MACROD2: variants seen among roughly 807,000 people sequenced by gnomAD.
MACROD2 encodes the protein ADP-ribose glycohydrolase MACROD2.
Under a neutral mutation model 70.4 loss-of-function variants are expected in MACROD2, and 36 were observed. The ratio of observed to expected loss-of-function variants is 0.51; its 90% CI spans 0.39 to 0.68. The LOEUF (loss-of-function observed/expected upper bound fraction) is 0.68, where lower values mean the gene tolerates loss of function less well. Among genes scored for constraint, MACROD2 ranks in the 30% least tolerant of loss-of-function variants. The pLI is 0.00. For missense variants in MACROD2, 496 were observed against 538.4 expected (o/e 0.92, Z 0.78); for synonymous variants, 172 against 178.8 (o/e 0.96, Z 0.30).
rs61542762 is a variant in MACROD2, at chr20:15,729,831, C to CTTTTTTTTTTTTTTTTTTTTT, written c.646-132899_646-132898insTTTTTTTTTTTTTTTTTTTTT. 7.3e-4 allele frequency among the ~76,000 whole-genome samples: 47 copies of CTTTTTTTTTTTTTTTTTTTTT among 64,772 alleles called. 16 individuals carry two copies. The highest frequency in any genetic ancestry group is 1.1e-3 in the Non-Finnish European group (41 of 35,868). The allele number at this position is 64,772 out of a possible 152,430, so 42.5% of individuals were successfully genotyped here. Reference sequence around the variant, plus strand: ...GAACACAGCATGCAGTTGGGTCATGCTTTTTTTTTTTTTTTGGATGGAGTT... The same window carrying CTTTTTTTTTTTTTTTTTTTTT: ...GAACACAGCATGCAGTTGGGTCATGCTTTTTTTTTTTTTTTTTTTTTTTTTTTTTTTTTTTTGGATGGAGTT... On this transcript the variant is annotated intron_variant, in intron 8 of 17. Coordinates refer to ENST00000684519, the MANE Select transcript of MACROD2 (RefSeq NM_001351661.2).
chr20:15,380,019 C>CCT (rs10626088), intron 6 of MACROD2, among the ~76,000 whole-genome samples: 71,692 of 151,824 alleles, frequency 0.47, 19,779 homozygotes, highest in African/African-American at 0.78. Context: ...CCTCTTGGGT[C>CCT]CTGTTGTTCC....
chr20:14,308,745 T>C (rs2082541320), intron 3 of MACROD2, among the ~76,000 whole-genome samples: 1 of 152,130 alleles, frequency 6.6e-6, no homozygotes, highest in African/African-American at 2.4e-5. Flanking sequence ...TTTGAATTCA[T>C]AGAACCATCA....
At chr20:14,459,287 A>G (rs1296881609) in intron 3 of MACROD2, among the ~76,000 whole-genome samples, 1 of 152,092 alleles carries the variant, frequency 6.6e-6, no homozygotes, top group African/African-American at 2.4e-5. Context: ...AAATGACATC[A>G]TCAGAAAGAA....
At chr20:15,616,527 A>G (rs2049041998) in intron 8 of MACROD2, among the ~76,000 whole-genome samples, 1 of 152,158 alleles carries the variant, frequency 6.6e-6, no homozygotes, top group Non-Finnish European at 1.5e-5. Flanking sequence ...GTGTTAACCT[A>G]AGAACCCTGT....
At chr20:15,081,733 A>G (rs1239156646) in intron 5 of MACROD2, among the ~76,000 whole-genome samples, 1 of 152,088 alleles carries the variant, frequency 6.6e-6, no homozygotes, top group African/African-American at 2.4e-5. Flanking sequence ...TTCTACATGG[A>G]CCTTCCTGCT....
chr20:14,210,678 G>T (rs1454898573), intron 3 of MACROD2, among the ~76,000 whole-genome samples: 7 of 152,144 alleles, frequency 4.6e-5, no homozygotes, highest in African/African-American at 1.7e-4. Context: ...TCACATTCAG[G>T]TTTATTTTGT....
At chr20:14,832,284 G>A (rs1350262740) in intron 5 of MACROD2, among the ~76,000 whole-genome samples, 2 of 151,828 alleles carry the variant, frequency 1.3e-5, no homozygotes, top group African/African-American at 4.8e-5. Flanking sequence ...GATCTTCACT[G>A]AATTGATCAG....
intron 3 of MACROD2, among the ~76,000 whole-genome samples, chr20:14,141,414 A>G (rs890213837): frequency 6.6e-6 from 1 of 152,186 alleles, no homozygotes; most frequent in African/African-American, 2.4e-5. Context: ...TTCTTCATCT[A>G]TAAAAGGAGA....
intron 8 of MACROD2, among the ~76,000 whole-genome samples, chr20:15,679,034 C>T (rs534092528): frequency 6.6e-6 from 1 of 152,074 alleles, no homozygotes; most frequent in South Asian, 2.1e-4. Context: ...GTCAGGAATT[C>T]GAGACCAGCC....
At chr20:14,412,767 A>G (rs2122870058) in intron 3 of MACROD2, among the ~76,000 whole-genome samples, 1 of 152,314 alleles carries the variant, frequency 6.6e-6, no homozygotes, top group African/African-American at 2.4e-5. Flanking sequence ...ATATCACAAA[A>G]AAACTATTGT....
At chr20:14,091,206 A>G (rs1205549317) in intron 3 of MACROD2, among the ~76,000 whole-genome samples, 4 of 151,836 alleles carry the variant, frequency 2.6e-5, no homozygotes, top group African/African-American at 9.7e-5. Flanking sequence ...TTGTCTCTTC[A>G]CTTTGTTAAT....
chr20:14,842,027 TG>T (rs1240550618), intron 5 of MACROD2, among the ~76,000 whole-genome samples: 1 of 151,960 alleles, frequency 6.6e-6, no homozygotes, highest in Non-Finnish European at 1.5e-5. Flanking sequence ...GTTTTTTGTT[TG>T]TTTGTTTGTT....
intron 8 of MACROD2, among the ~76,000 whole-genome samples, chr20:15,857,342 A>T (rs1199371377): frequency 6.6e-6 from 1 of 152,202 alleles, no homozygotes; most frequent in African/African-American, 2.4e-5. Flanking sequence ...ACAAAGACAA[A>T]TGAAAGTCAC....
At chr20:14,082,305 A>G (rs2054008689) in intron 2 of MACROD2, among the ~76,000 whole-genome samples, 1 of 147,100 alleles carries the variant, frequency 6.8e-6, no homozygotes. Context: ...CAGCCTCCCA[A>G]GTAGCTAGGA....
chr20:15,611,393 TC>T (rs2048967640), intron 8 of MACROD2, among the ~76,000 whole-genome samples: 1 of 152,118 alleles, frequency 6.6e-6, no homozygotes, highest in Non-Finnish European at 1.5e-5. Flanking sequence ...CCTCTGCACA[TC>T]ATTTAATCAC....
intron 8 of MACROD2, among the ~76,000 whole-genome samples, chr20:15,746,814 A>G (rs1386442211): frequency 6.6e-6 from 1 of 152,060 alleles, no homozygotes; most frequent in African/African-American, 2.4e-5. Flanking sequence ...CCAGACTGAG[A>G]GCTGAGCTGC....
intron 6 of MACROD2, among the ~76,000 whole-genome samples, chr20:15,344,378 G>A (rs898246373): frequency 1.3e-5 from 2 of 152,094 alleles, no homozygotes; most frequent in Non-Finnish European, 2.9e-5. Flanking sequence ...TTTTTGTATG[G>A]ACAGTTCTGA....
At chr20:15,280,454 A>G (rs1260882451) in intron 6 of MACROD2, among the ~76,000 whole-genome samples, 2 of 152,132 alleles carry the variant, frequency 1.3e-5, no homozygotes, top group Non-Finnish European at 2.9e-5. Flanking sequence ...CTTTTTCTGT[A>G]ATTTTAATAC....
At chr20:15,234,442 TA>T (rs1312425927) in intron 6 of MACROD2, among the ~76,000 whole-genome samples, 1 of 151,872 alleles carries the variant, frequency 6.6e-6, no homozygotes, top group Non-Finnish European at 1.5e-5. Context: ...GGAGTGGGAA[TA>T]AAAGAAAACT....
Sources: gnomAD v4.1 joint callset for allele counts (sites outside exome capture counted in the v4.1 genomes callset) on GRCh38, gnomAD v4.1.1 for gene constraint, MANE v1.5 for transcripts, NCBI Gene and HGNC (gene_info 2026-07-23, HGNC 2026-07-21) for gene names.